ARL15: variants seen among roughly 807,000 people sequenced by gnomAD.
ARL15 encodes ARF like GTPase 15.
Under a neutral mutation model 25.2 loss-of-function variants are expected in ARL15, and 19 were observed. That is an observed-to-expected ratio of 0.75 (90% CI 0.53 to 1.10). The LOEUF (loss-of-function observed/expected upper bound fraction) is 1.10, where lower values mean the gene tolerates loss of function less well. Ranked by LOEUF, ARL15 falls within the 50% of genes least tolerant of loss-of-function variation. ARL15 has a pLI of 0.00. For synonymous variants in ARL15, 94 were observed against 86.8 expected, an observed-to-expected ratio of 1.08 and a Z score of -0.46; for missense variants, 220 against 246.0, an observed-to-expected ratio of 0.89 and a Z score of 0.71.
chr5:54,116,507 T>C (rs998406893), intron 3 of ARL15, among the ~76,000 whole-genome samples: 4 of 152,190 alleles, frequency 2.6e-5, no homozygotes, highest in African/African-American at 9.7e-5. Context: ...TTCACTAACA[T>C]GAAGGATGTG....
chr5:53,929,713 T>C (rs546492782), intron 4 of ARL15, among the ~76,000 whole-genome samples: 21 of 152,324 alleles, frequency 1.4e-4, no homozygotes, highest in African/African-American at 4.8e-4. Context: ...AAAGGTCCAA[T>C]GGACTACCAT....
chr5:54,266,245 C>T (rs1033125383), intron 1 of ARL15, among the ~76,000 whole-genome samples: 1 of 152,186 alleles, frequency 6.6e-6, no homozygotes, highest in Non-Finnish European at 1.5e-5. Context: ...TCCACCTCCT[C>T]GGGAATTCAG....
At chr5:54,210,077 C>G (rs1308476618) in intron 1 of ARL15, among the ~76,000 whole-genome samples, 4 of 152,018 alleles carry the variant, frequency 2.6e-5, no homozygotes, top group African/African-American at 7.2e-5. Flanking sequence ...ACAATGCCAA[C>G]TTTTTTTTCC....
chr5:54,135,061 GA>G (rs1276445836), intron 3 of ARL15, among the ~76,000 whole-genome samples: 1 of 151,548 alleles, frequency 6.6e-6, no homozygotes, highest in Non-Finnish European at 1.5e-5. Context: ...GATGATAAAA[GA>G]AAAAAAGCCA....
chr5:54,076,423 G>GA (rs911175651), intron 4 of ARL15, among the ~76,000 whole-genome samples: 88 of 100,322 alleles, frequency 8.8e-4, no homozygotes, highest in Middle Eastern at 5.7e-3. Flanking sequence ...TCCGTCTCAA[G>GA]AAAAAAAAAA....
chr5:54,187,660 A>G (rs906010401), intron 1 of ARL15, among the ~76,000 whole-genome samples: 26 of 152,068 alleles, frequency 1.7e-4, no homozygotes, highest in Admixed American at 1.2e-3. Flanking sequence ...GTTATTTAAT[A>G]CTCAGCTCTC....
At chr5:54,111,934 C>T (rs1250874805) in intron 4 of ARL15, among the ~76,000 whole-genome samples, 1 of 152,024 alleles carries the variant, frequency 6.6e-6, no homozygotes, top group African/African-American at 2.4e-5. Context: ...CATTATAATG[C>T]TGAAGATCTT....
intron 4 of ARL15, among the ~76,000 whole-genome samples, chr5:53,984,560 A>G (rs1479153087): frequency 6.6e-6 from 1 of 151,902 alleles, no homozygotes; most frequent in Admixed American, 6.6e-5. Context: ...TAGGATTTCC[A>G]TTTCCCACTG....
chr5:54,163,735 GAA>G (rs1754489834), intron 2 of ARL15, among the ~76,000 whole-genome samples: 2 of 151,784 alleles, frequency 1.3e-5, no homozygotes, highest in African/African-American at 2.4e-5. Flanking sequence ...ACTATTTATA[GAA>G]TCTATATTGA....
chr5:54,041,176 T>A (rs1476311215), intron 4 of ARL15, among the ~76,000 whole-genome samples: 2 of 152,236 alleles, frequency 1.3e-5, no homozygotes, highest in Non-Finnish European at 2.9e-5. Flanking sequence ...AATTGTGTAT[T>A]ATCTGGCAAT....
At chr5:54,217,120 A>C (rs929643805) in intron 1 of ARL15, among the ~76,000 whole-genome samples, 5 of 152,048 alleles carry the variant, frequency 3.3e-5, no homozygotes, top group Non-Finnish European at 7.4e-5. Flanking sequence ...ATTTAAAAGG[A>C]AGATTTATCC....
chr5:54,065,850 A>G (rs920757083), intron 4 of ARL15, among the ~76,000 whole-genome samples: 1 of 151,010 alleles, frequency 6.6e-6, no homozygotes, highest in Non-Finnish European at 1.5e-5. Flanking sequence ...TGAGTTAAAT[A>G]AAATGCAATG....
At chr5:53,997,743 T>C (rs1408589008) in intron 4 of ARL15, among the ~76,000 whole-genome samples, 2 of 152,070 alleles carry the variant, frequency 1.3e-5, no homozygotes, top group African/African-American at 4.8e-5. Flanking sequence ...TCCACTTTAA[T>C]CTGTTTCTCT....
At chr5:53,976,468 T>A (rs1263814968) in intron 4 of ARL15, among the ~76,000 whole-genome samples, 2 of 152,146 alleles carry the variant, frequency 1.3e-5, no homozygotes, top group Admixed American at 1.3e-4. Flanking sequence ...TGAACTTTTA[T>A]ACTAATGGAT....
At chr5:53,962,097 TGATGGTAAGAGTATAG>T (rs1747389637) in intron 4 of ARL15, among the ~76,000 whole-genome samples, 1 of 152,186 alleles carries the variant, frequency 6.6e-6, no homozygotes, top group African/African-American at 2.4e-5. Flanking sequence ...GGGAAACTAC[TGATGGTAAGAGTATAG>T]GATAAAAGGG....
chr5:54,247,518 T>A (rs1757119873), intron 1 of ARL15, among the ~76,000 whole-genome samples: 1 of 151,578 alleles, frequency 6.6e-6, no homozygotes, highest in African/African-American at 2.4e-5. Flanking sequence ...CACTGTCCCA[T>A]TTCCTCTGCA....
chr5:54,123,396 A>G (rs1753150431), intron 3 of ARL15, among the ~76,000 whole-genome samples: 2 of 152,208 alleles, frequency 1.3e-5, no homozygotes, highest in Non-Finnish European at 2.9e-5. Context: ...GGCGTGAGCC[A>G]ACGCACCCGG....
intron 4 of ARL15, among the ~76,000 whole-genome samples, chr5:54,072,065 C>T (rs1042373301): frequency 6.6e-6 from 1 of 151,912 alleles, no homozygotes; most frequent in Non-Finnish European, 1.5e-5. Context: ...CCCACACCCA[C>T]AAACCTGCCA....
chr5:53,944,027 G>A (rs1281239387), intron 4 of ARL15, among the ~76,000 whole-genome samples: 1 of 152,110 alleles, frequency 6.6e-6, no homozygotes, highest in East Asian at 1.9e-4. Flanking sequence ...ATGTTACATG[G>A]GCATGGGAGA....
Sources: gnomAD v4.1 joint callset for allele counts (sites outside exome capture counted in the v4.1 genomes callset) on GRCh38, gnomAD v4.1.1 for gene constraint, MANE v1.5 for transcripts, NCBI Gene and HGNC (gene_info 2026-07-23, HGNC 2026-07-21) for gene names.